Variants in PROM1 observed in about 807,000 individuals in gnomAD.
PROM1 encodes the protein prominin-1.
PROM1 carries 105 observed loss-of-function variants against 116.9 expected under a neutral mutation model. That is an observed-to-expected ratio of 0.90 (90% CI 0.77 to 1.06). The LOEUF (loss-of-function observed/expected upper bound fraction) is 1.06, where lower values mean the gene tolerates loss of function less well. Ranked by LOEUF, PROM1 falls within the 50% of genes least tolerant of loss-of-function variation. PROM1 has a pLI of 0.00. For synonymous variants in PROM1, 393 were observed against 387.0 expected, an observed-to-expected ratio of 1.02 and a Z score of -0.18; for missense variants, 1,122 against 1,045.2, an observed-to-expected ratio of 1.07 and a Z score of -1.01.
intron 5 of PROM1, among the ~76,000 whole-genome samples, chr4:16,026,274 A>ATCC (rs1731247086): frequency 6.6e-6 from 1 of 152,180 alleles, no homozygotes; most frequent in African/African-American, 2.4e-5. Flanking sequence ...ACTTAAAATA[A>ATCC]TTTGACCAAT....
intron 2 of PROM1, among the ~76,000 whole-genome samples, chr4:16,058,402 A>C (rs1270545105): frequency 6.6e-6 from 1 of 152,214 alleles, no homozygotes; most frequent in Non-Finnish European, 1.5e-5. Context: ...ATCAGAAATG[A>C]AAAATGATGC....
intron 2 of PROM1, among the ~76,000 whole-genome samples, chr4:16,040,538 C>T (rs1214494722): frequency 1.3e-5 from 2 of 152,228 alleles, no homozygotes; most frequent in East Asian, 3.8e-4. Flanking sequence ...TTAAAATATA[C>T]TTAGCTGCAC....
intron 2 of PROM1, among the ~76,000 whole-genome samples, chr4:16,055,016 C>G (rs1359038775): frequency 6.6e-6 from 1 of 152,208 alleles, no homozygotes; most frequent in Non-Finnish European, 1.5e-5. Context: ...ATACATTTGT[C>G]TACTCTGCTA....
At chr4:16,047,979 G>A (rs1392762842) in intron 2 of PROM1, among the ~76,000 whole-genome samples, 1 of 152,172 alleles carries the variant, frequency 6.6e-6, no homozygotes, top group Non-Finnish European at 1.5e-5. Flanking sequence ...TCAAAGGCCT[G>A]AGTTCAAATA....
At chr4:16,003,802 T>G (rs1374526178) in intron 13 of PROM1, among the ~76,000 whole-genome samples, 1 of 152,124 alleles carries the variant, frequency 6.6e-6, no homozygotes, top group East Asian at 1.9e-4. Flanking sequence ...AAAATTAAAA[T>G]AAAATGCTTC....
At chr4:15,981,381 C>T (rs2149047962) in intron 23 of PROM1, among the ~76,000 whole-genome samples, 1 of 151,682 alleles carries the variant, frequency 6.6e-6, no homozygotes, top group East Asian at 2.0e-4. Flanking sequence ...CCATTCTGGC[C>T]AACGTAGTGA....
intron 2 of PROM1, among the ~76,000 whole-genome samples, chr4:16,046,909 G>A (rs778819944): frequency 3.9e-5 from 6 of 152,164 alleles, no homozygotes; most frequent in Non-Finnish European, 5.9e-5. Flanking sequence ...ATCCAACCAC[G>A]CACTCCTTCC....
intron 2 of PROM1, among the ~76,000 whole-genome samples, chr4:16,045,255 C>T (rs951574434): frequency 6.6e-6 from 1 of 152,158 alleles, no homozygotes; most frequent in South Asian, 2.1e-4. Context: ...TGGACATACA[C>T]GCACACCACT....
At chr4:16,030,849 C>T (rs180993049) in intron 5 of PROM1, among the ~76,000 whole-genome samples, 75 of 152,198 alleles carry the variant, frequency 4.9e-4, no homozygotes, top group African/African-American at 1.7e-3. Context: ...AGTTTGAGAC[C>T]AGCCTGGCCA....
At position 16,009,081 on chromosome 4, in the gene PROM1, C is replaced by T; in HGVS notation, c.1169G>A (p.Gly390Asp). The change falls in exon 12 of 28, where the codon GGT (glycine) becomes GAT (aspartate). Residue 390 changes from glycine (G) to aspartate (D), a missense_variant. Physicochemically the swap from Gly to Asp is moderately conservative, Grantham distance 94 (BLOSUM62 -1). Transcript: ENST00000447510. Reference sequence around the variant, plus strand: ...CTGAGTTACATTGTCGATATCTGAACCAATGGAATTCAAGACCCTTTTGAT... The same window carrying T: ...CTGAGTTACATTGTCGATATCTGAATCAATGGAATTCAAGACCCTTTTGAT... ...AGIKRVLNSI[G>D]SDIDNVTQRL... 1 of 1,612,830 alleles carries T rather than the reference C, an allele frequency of 6.2e-7. No homozygotes were observed.
intron 2 of PROM1, among the ~76,000 whole-genome samples, chr4:16,056,160 G>A (rs889900799): frequency 2.0e-5 from 3 of 152,176 alleles, no homozygotes; most frequent in Admixed American, 1.3e-4. Context: ...TCATTTAAGA[G>A]AGTCCAGCTG....
intron 11 of PROM1, among the ~76,000 whole-genome samples, chr4:16,012,870 C>CAAAAAAA (rs71179681): frequency 3.6e-5 from 3 of 84,194 alleles, no homozygotes; most frequent in South Asian, 4.7e-4. Context: ...GACTCTGTCT[C>CAAAAAAA]AAAAAAAAAA....
chr4:16,023,379 C>T lies in PROM1; in HGVS notation c.731G>A (p.Arg244Gln), dbSNP rs369815021. The change falls in exon 8 of 28, where the codon CGA becomes CAA. Residue 244 changes from arginine to glutamine, a missense_variant. Arg to Gln is a conservative substitution (Grantham distance 43). Transcript: ENST00000447510. ...NSVLGGGILDRLRPNIIPVLD... is the reference protein window; with the variant it reads ...NSVLGGGILDQLRPNIIPVLD... The stretch of plus-strand genomic sequence containing the variant: ...AACAGGGATGATGTTGGGTCTCAGT[C>T]GGTCAAGAATTCCGCCTCCTAGCAC... 149 of 1,607,220 alleles carry T rather than the reference C, an allele frequency of 9.3e-5. No homozygotes were observed. The highest frequency in any genetic ancestry group is 1.1e-4 in the Non-Finnish European group (132 of 1,176,582).
chr4:15,982,586 T>C (rs1280697045), intron 23 of PROM1, among the ~76,000 whole-genome samples: 1 of 152,204 alleles, frequency 6.6e-6, no homozygotes, highest in Non-Finnish European at 1.5e-5. Context: ...CTCCAGCCTA[T>C]GATCTTCCTG....
intron 4 of PROM1, 113 bp downstream of exon 4, chr4:16,035,622 G>C (rs1733772839): frequency 9.6e-7 from 1 of 1,038,298 alleles, no homozygotes; most frequent in Admixed American, 1.8e-5. Flanking sequence ...GGTTAAAAGT[G>C]ATGGTAAAAA....
chr4:16,031,384 G>A (rs1193351432), intron 5 of PROM1, among the ~76,000 whole-genome samples: 1 of 151,984 alleles, frequency 6.6e-6, no homozygotes, highest in African/African-American at 2.4e-5. Context: ...GGTTTGACAG[G>A]TTTCAGGGCT....
chr4:16,017,182 GTA>G (rs1483013608), intron 9 of PROM1, among the ~76,000 whole-genome samples: 7 of 152,152 alleles, frequency 4.6e-5, no homozygotes, highest in East Asian at 3.9e-4. Context: ...TTTTATGCAT[GTA>G]TATATTAAAT....
At position 16,075,783 on chromosome 4, in the gene PROM1, C is replaced by G; in HGVS notation, c.124G>C (p.Glu42Gln). Reference protein sequence around the residue: ...WNYELPATNYETQDSHKAGPI... With the variant: ...WNYELPATNYQTQDSHKAGPI... ...CCAGCTTTATGGGAGTCTTGGGTCT[C>G]ATAATTTGTTGCAGGCAATTCATAA... The change falls in exon 2 of 28, where the codon GAG becomes CAG. Residue 42 changes from glutamate (E) to glutamine (Q), a missense_variant. By Grantham distance (29) the Glu-to-Gln change is conservative. Coordinates refer to ENST00000447510, the MANE Select transcript of PROM1 (RefSeq NM_006017.3). 6.2e-7 allele frequency: 1 copy of G among 1,613,808 alleles called. No individual in the cohort carries two copies. Among genetic ancestry groups the G allele is most frequent in the Non-Finnish European group, 8.5e-7 (1 of 1,179,842 alleles).
In PROM1 at chr4:16,075,791, G is replaced by T. The variant is rs371982287; in HGVS notation, c.116C>A (p.Thr39Lys). Reference sequence around the variant, plus strand: ...ATGGGAGTCTTGGGTCTCATAATTTGTTGCAGGCAATTCATAATTCCAAGC... The same window carrying T: ...ATGGGAGTCTTGGGTCTCATAATTTTTTGCAGGCAATTCATAATTCCAAGC... ...PKAWNYELPA[T>K]NYETQDSHKA... Residue 39 changes from threonine to lysine, a missense_variant, in exon 2 of 28, where the codon ACA becomes AAA. By Grantham distance (78) the Thr-to-Lys change is moderately conservative (BLOSUM62 -1). Coordinates refer to ENST00000447510, the MANE Select transcript of PROM1 (RefSeq NM_006017.3). 4.3e-6 allele frequency: 7 copies of T among 1,613,662 alleles called. No individual in the cohort carries two copies. In the African/African-American group the frequency reaches 9.3e-5, roughly 22 times the overall value.
Sources: allele counts gnomAD v4.1 joint callset (sites outside exome capture counted in the v4.1 genomes callset), GRCh38; gene constraint gnomAD v4.1.1; transcripts MANE v1.5; gene names NCBI Gene and HGNC (gene_info 2026-07-23, HGNC 2026-07-21).